MYO15A: variants seen among roughly 807,000 people sequenced by gnomAD.
The protein encoded by MYO15A is myosin XVA.
Under a neutral mutation model 394.6 loss-of-function variants are expected in MYO15A, and 308 were observed. The ratio of observed to expected loss-of-function variants is 0.78; its 90% CI spans 0.71 to 0.86. The LOEUF (loss-of-function observed/expected upper bound fraction) is 0.86. Ranked by LOEUF, MYO15A falls within the 40% of genes least tolerant of loss-of-function variation. The probability of loss-of-function intolerance (pLI) is 0.00; values close to 1 mark genes in which losing one functional copy is unlikely to be tolerated. For missense variants in MYO15A, 4,606 were observed against 4,799.1 expected (o/e 0.96, Z 1.19); for synonymous variants, 1,957 against 2,003.8 (o/e 0.98, Z 0.62).
chr17:18,131,828 C>T (rs2142302011), intron 10 of MYO15A, among the ~76,000 whole-genome samples: 1 of 152,148 alleles, frequency 6.6e-6, no homozygotes, highest in South Asian at 2.1e-4. Flanking sequence ...TCACCTCCTC[C>T]AAGTCTCCCC....
At chr17:18,135,497 A>G (rs925759050) in intron 12 of MYO15A, among the ~76,000 whole-genome samples, 8 of 152,040 alleles carry the variant, frequency 5.3e-5, no homozygotes, top group African/African-American at 1.7e-4. Context: ...ATACGCCACC[A>G]CACCTGGCTA....
intron 60 of MYO15A, 94 bp from the exon 61 acceptor site, chr17:18,166,267 T>C: frequency 6.6e-7 from 1 of 1,522,816 alleles, no homozygotes; most frequent in Non-Finnish European, 9.0e-7. Flanking sequence ...CTCACCTGGG[T>C]AGCAGATTGG....
At position 18,145,950 on chromosome 17, in the gene MYO15A, C is replaced by A. The variant is rs2046472219; in HGVS notation, c.6352C>A (p.Leu2118Met). 4 of 1,613,658 alleles carry A rather than the reference C, an allele frequency of 2.5e-6. No homozygotes were observed. The highest frequency in any genetic ancestry group is 1.1e-5 in the South Asian group (1 of 91,090). Reference sequence around the variant, plus strand: ...CGGGAACTACATCGTGCAGAAGGGGCTGGCGGTGCCTGAGCTGCGGGATGA... The same window carrying A: ...CGGGAACTACATCGTGCAGAAGGGGATGGCGGTGCCTGAGCTGCGGGATGA... Reference protein sequence around the residue: ...IFGNYIVQKGLAVPELRDEIL... With the variant: ...IFGNYIVQKGMAVPELRDEIL... Residue 2118 changes from leucine to methionine, a missense_variant, in exon 30 of 66, where the codon CTG becomes ATG. By Grantham distance (15) the Leu-to-Met change is conservative (BLOSUM62 2). Around this residue, in one of 2 missense-constraint regions of MYO15A, gnomAD observed 2,776 missense variants for 3,109.3 expected, o/e 0.89. Transcript: ENST00000647165.
chr17:18,112,262 T>G (rs2045731234), intron 1 of MYO15A, among the ~76,000 whole-genome samples: 1 of 130,340 alleles, frequency 7.7e-6, no homozygotes, highest in East Asian at 2.2e-4. Flanking sequence ...TAACAAATGT[T>G]ACATGACACT....
At chr17:18,131,401 A>G in intron 9 of MYO15A, 59 bp downstream of exon 9, 2 of 1,613,272 alleles carry the variant, frequency 1.2e-6, no homozygotes, top group Middle Eastern at 1.7e-4. Context: ...ATGTCCTGCC[A>G]CAGCCCCTCG....
In MYO15A at chr17:18,140,652, GA is replaced by G; in HGVS notation, c.5351del (p.Lys1784ArgfsTer13). 6.2e-7 allele frequency: 1 copy of G among 1,613,920 alleles called. No homozygotes were observed. Among genetic ancestry groups the G allele is most frequent in the Non-Finnish European group, 8.5e-7 (1 of 1,180,042 alleles). On this transcript the variant is annotated frameshift_variant, in exon 20 of 66. Coordinates refer to ENST00000647165, the MANE Select transcript of MYO15A (RefSeq NM_016239.4). LOFTEE classifies it high-confidence loss of function. ...CCAGCAGTCACTCCTGGATCTGGTG[GA>G]AAAGATGGAGAGGTGGGGTGGGGGG... The part of the protein sequence containing the change: ...KFQQSLLDLV[E>X]KMERCNPLFM...
Position 18,121,565 on chromosome 17 carries a change from T to G in MYO15A, c.2765T>G (p.Val922Gly), listed in dbSNP as rs757940502. The change falls in exon 2 of 66, where the codon GTG becomes GGG. Residue 922 changes from valine (V) to glycine (G), a missense_variant. Coordinates refer to ENST00000647165, the MANE Select transcript of MYO15A (RefSeq NM_016239.4). The surrounding 1 kb of genome is among the most constrained non-coding windows in gnomAD (Gnocchi z 5.3). ...GAGGACTCAGAGACGCCCTGGACTG[T>G]GCCCCCACTGGCCCCCAGCTGGGAC... The part of the protein sequence containing the change: ...EPEDSETPWT[V>G]PPLAPSWDVD... 6.3e-7 allele frequency: 1 copy of G among 1,589,876 alleles called. No homozygotes were observed. The highest frequency in any genetic ancestry group is 8.6e-7 in the Non-Finnish European group (1 of 1,168,536).
chr17:18,124,185 C>T, intron 2 of MYO15A: 1 of 450,606 alleles, frequency 2.2e-6, no homozygotes, highest in Non-Finnish European at 4.2e-6. Context: ...TGGGAGGGAG[C>T]TGGCCCATGC....
chr17:18,111,341 GAAAAAAAAA>G (rs57095827), intron 1 of MYO15A, among the ~76,000 whole-genome samples: 53 of 119,006 alleles, frequency 4.5e-4, no homozygotes, highest in African/African-American at 1.1e-3. Flanking sequence ...TCTCAAAAGA[GAAAAAAAAA>G]AAAAAAAAAA....
intron 29 of MYO15A, 85 bp from the exon 30 acceptor site, chr17:18,145,787 G>A (rs2046467215): frequency 8.7e-7 from 1 of 1,151,206 alleles, no homozygotes; most frequent in East Asian, 2.5e-5. Flanking sequence ...CACATGGGAG[G>A]GACATGAGAG....
In MYO15A at chr17:18,118,776, GC is replaced by G. The variant is rs1452037369; in HGVS notation, c.-22del. The G allele has an allele frequency of 6.2e-7, 1 of 1,607,608 alleles. No individual in the cohort carries two copies. Among genetic ancestry groups the G allele is most frequent in the Non-Finnish European group, 8.5e-7 (1 of 1,177,602 alleles). ...CCTGAGCCCGTGACACCGGCCCCAG[GC>G]CCTGTAGAGAGCAGGCAGCCACCAT... On this transcript the variant is annotated 5_prime_UTR_variant, in exon 2 of 66. An upstream open reading frame in the 5' UTR gains an earlier in-frame stop. Transcript: ENST00000647165.
chr17:18,175,750 T>C (rs1938461796), intron 65 of MYO15A, among the ~76,000 whole-genome samples: 1 of 152,134 alleles, frequency 6.6e-6, no homozygotes, highest in African/African-American at 2.4e-5. Context: ...AGCATCCCCC[T>C]TGGAGACCAA....
At position 18,167,596 on chromosome 17, in the gene MYO15A, C is replaced by T. The variant is rs1263211709; in HGVS notation, c.9955C>T (p.Pro3319Ser). ...ACCCAGGTGCTCCCTGCAGGTCCTG[C>T]CTGACTACCTGAAGGGACTCTTCAG... ...YVTMHYNQVL[P>S]DYLKGLFSSV... The change falls in exon 62 of 66, where the codon CCT becomes TCT. Residue 3319 changes from proline (P) to serine (S), a missense_variant. By Grantham distance (74) the Pro-to-Ser change is moderately conservative (BLOSUM62 -1). This residue lies in a region of MYO15A where 2,776 missense variants were observed against 3,109.3 expected (regional missense o/e 0.89). Transcript: ENST00000647165. The T allele has an allele frequency of 6.2e-7, 1 of 1,602,500 alleles. No homozygotes were observed. Among genetic ancestry groups the T allele is most frequent in the African/African-American group, 1.3e-5 (1 of 75,072 alleles).
Position 18,119,484 on chromosome 17 carries a change from C to T in MYO15A, c.684C>T (p.Gly228=). ...GCAAGTCGCTGTACGGGCTTGAGGG[C>T]TTCCAGGACCTGGGCGAGTATTATG... ...GSRKSLYGLE[G]FQDLGEYYDY... Residue 228 remains glycine (G), a synonymous_variant, in exon 2 of 66, where the codon GGC becomes GGT. Coordinates refer to ENST00000647165, the MANE Select transcript of MYO15A (RefSeq NM_016239.4). The T allele has an allele frequency of 6.2e-7, 1 of 1,612,662 alleles. No homozygotes were observed. Among genetic ancestry groups the T allele is most frequent in the Non-Finnish European group, 8.5e-7 (1 of 1,179,990 alleles).
chr17:18,119,808 G>C lies in MYO15A; in HGVS notation c.1008G>C (p.Ala336=). 1.2e-6 allele frequency: 2 copies of C among 1,613,116 alleles called. No individual in the cohort carries two copies. The highest frequency in any genetic ancestry group is 1.7e-6 in the Non-Finnish European group (2 of 1,179,998). The change falls in exon 2 of 66, where the codon GCG becomes GCC. Residue 336 remains alanine (A), a synonymous_variant. Coordinates refer to ENST00000647165, the MANE Select transcript of MYO15A (RefSeq NM_016239.4). ...YSYHDGYEGE[A]HPYGYYLDPY... is the part of the protein sequence containing the mutation. ...ACCACGATGGGTACGAGGGCGAGGC[G>C]CACCCTTATGGCTACTACCTGGATC...
chr17:18,146,204 T>C (rs1210606733), intron 30 of MYO15A, 97 bp downstream of exon 30: 1 of 1,290,980 alleles, frequency 7.7e-7, no homozygotes, highest in Non-Finnish European at 1.1e-6. Context: ...GAGTCAGATC[T>C]CTATGCTGGG....
intron 6 of MYO15A, 58 bp from the exon 7 acceptor site, chr17:18,127,017 G>C (rs967168253): frequency 3.1e-6 from 5 of 1,608,038 alleles, no homozygotes; most frequent in African/African-American, 1.3e-5. Context: ...TGGGAGTCAG[G>C]GTGCCCCAGA....
chr17:18,157,827 G>C lies in MYO15A; in HGVS notation c.8894G>C (p.Arg2965Pro). 1 of 1,597,194 alleles carries C rather than the reference G, an allele frequency of 6.3e-7. No homozygotes were observed. The highest frequency in any genetic ancestry group is 8.5e-7 in the Non-Finnish European group (1 of 1,177,048). Residue 2965 changes from arginine to proline, a missense_variant, in exon 51 of 66, where the codon CGC (arginine) becomes CCC (proline). By Grantham distance (103) the Arg-to-Pro change is moderately radical. This residue lies in a region of MYO15A where 2,776 missense variants were observed against 3,109.3 expected (regional missense o/e 0.89). Transcript: ENST00000647165. ...DFLQLPTEPG[R>P]GRAAAVAAAV... ...CTGCAGCTGCCAACGGAGCCAGGCC[G>C]CGGCCGAGCAGCCGCCGTGGCCGCT...
At position 18,154,202 on chromosome 17, in the gene MYO15A, T is replaced by A. The variant is rs1230171600; in HGVS notation, c.8148+12T>A. On this transcript the variant is annotated intron_variant, in intron 44 of 65. Transcript: ENST00000647165. ...TCCTGTTCCGGCAGGTGAGGTCCTG[T>A]CTCCCCTTTCTGCCTCAGTGAACTC... The A allele has an allele frequency of 3.1e-6, 5 of 1,613,716 alleles. No individual in the cohort carries two copies. Among genetic ancestry groups the A allele is most frequent in the Non-Finnish European group, 3.4e-6 (4 of 1,179,928 alleles).
Sources: allele counts gnomAD v4.1 joint callset (sites outside exome capture counted in the v4.1 genomes callset), GRCh38; gene constraint gnomAD v4.1.1; regional missense constraint gnomAD v4.1.1; non-coding constraint Gnocchi (gnomAD v3.1); transcripts MANE v1.5; gene names NCBI Gene and HGNC (gene_info 2026-07-23, HGNC 2026-07-21).